Variants in AUTS2 observed in about 807,000 individuals in gnomAD.
AUTS2 encodes activator of transcription and developmental regulator AUTS2.
In AUTS2, 17 loss-of-function variants were observed where a neutral mutation model predicts 112.4. That is an observed-to-expected ratio of 0.15 (90% CI 0.10 to 0.23). The LOEUF (loss-of-function observed/expected upper bound fraction) is 0.23, where lower values mean the gene tolerates loss of function less well. Among genes scored for constraint, AUTS2 ranks in the 10% least tolerant of loss-of-function variants. The pLI is 1.00. For missense variants in AUTS2, 1,510 were observed against 1,701.6 expected (o/e 0.89, Z 1.98); for synonymous variants, 751 against 702.7 (o/e 1.07, Z -1.09).
chr7:70,696,358 T>C (rs899691500), intron 5 of AUTS2, among the ~76,000 whole-genome samples: 1 of 152,124 alleles, frequency 6.6e-6, no homozygotes, highest in Non-Finnish European at 1.5e-5. Context: ...ATCTTTTGGG[T>C]GTTTTTCTGG....
At chr7:70,604,570 C>A (rs1420805906) in intron 5 of AUTS2, among the ~76,000 whole-genome samples, 1 of 152,240 alleles carries the variant, frequency 6.6e-6, no homozygotes, top group Non-Finnish European at 1.5e-5. Flanking sequence ...TGCCCCTAGG[C>A]CCTACTTTAA....
intron 4 of AUTS2, among the ~76,000 whole-genome samples, chr7:70,228,508 TG>T (rs1170505586): frequency 6.6e-6 from 1 of 151,966 alleles, no homozygotes; most frequent in Non-Finnish European, 1.5e-5. Context: ...CTGCTTCTTT[TG>T]TAACTAAATA....
rs2129546812 is a variant in AUTS2 at position 70,694,339 on chromosome 7, C to T, written c.691-4230C>T. 6.7e-6 allele frequency: 1 copy of T among 149,784 alleles called. No individual in the cohort carries two copies. Among genetic ancestry groups the T allele is most frequent in the South Asian group, 2.1e-4 (1 of 4,806 alleles). 9.3% of individuals were successfully genotyped at this position (149,784 alleles called of 1,614,324 possible). A position where few individuals can be genotyped will look rare whatever the true frequency, so the allele number is the denominator to read the frequency against. ...CGCCGTTGCAGCGCCTCCTGGGCCG[C>T]GCGCCGGCGAGATCCGCACAAAATC... is the stretch of plus-strand genomic sequence containing the variant. On this transcript the variant is annotated intron_variant, in intron 5 of 18. Transcript: ENST00000342771. This position sits in a 1 kb window ranked among gnomAD's most constrained non-coding sequence, Gnocchi z 4.1.
chr7:70,142,699 G>A (rs1806929321), intron 4 of AUTS2, among the ~76,000 whole-genome samples: 1 of 152,160 alleles, frequency 6.6e-6, no homozygotes. Context: ...TAGAGATGAA[G>A]CGGTAAAGGC....
chr7:70,507,465 C>T (rs1055497906), intron 5 of AUTS2, among the ~76,000 whole-genome samples: 2 of 152,042 alleles, frequency 1.3e-5, no homozygotes, highest in African/African-American at 4.8e-5. Flanking sequence ...AACATGACAA[C>T]AGCTGGCTTT....
intron 2 of AUTS2, among the ~76,000 whole-genome samples, chr7:70,004,314 TTA>T (rs748074709): frequency 1.9e-4 from 25 of 134,930 alleles, no homozygotes; most frequent in East Asian, 6.1e-4. Flanking sequence ...TGACTATATA[TTA>T]TATATATAAT....
intron 4 of AUTS2, among the ~76,000 whole-genome samples, chr7:70,391,583 G>GTT (rs1793860520): frequency 1.3e-5 from 2 of 152,222 alleles, no homozygotes; most frequent in South Asian, 4.2e-4. Flanking sequence ...CTGTAAAACT[G>GTT]TTATCAACCC....
At chr7:70,690,266 G>T (rs1482958485) in intron 5 of AUTS2, among the ~76,000 whole-genome samples, 11 of 152,222 alleles carry the variant, frequency 7.2e-5, no homozygotes, top group Admixed American at 7.2e-4. Flanking sequence ...AGAGCTTGCA[G>T]AACCTTTAGA....
intron 1 of AUTS2, among the ~76,000 whole-genome samples, chr7:69,698,118 G>C (rs1428232378): frequency 1.3e-5 from 2 of 152,102 alleles, no homozygotes; most frequent in South Asian, 4.1e-4. Context: ...ACTCTCTAGG[G>C]CAAGTTTTTC....
intron 5 of AUTS2, among the ~76,000 whole-genome samples, chr7:70,617,125 G>A (rs1296909691): frequency 2.6e-5 from 4 of 152,166 alleles, no homozygotes; most frequent in African/African-American, 9.7e-5. Flanking sequence ...AGTGGGGTAA[G>A]GGCCATTGTC....
intron 5 of AUTS2, among the ~76,000 whole-genome samples, chr7:70,634,276 C>T (rs1378853680): frequency 6.6e-6 from 1 of 152,194 alleles, no homozygotes; most frequent in Non-Finnish European, 1.5e-5. Flanking sequence ...TGAGCCAAGA[C>T]TTAAAGGGAA....
At chr7:69,923,550 G>T (rs1301550598) in intron 2 of AUTS2, among the ~76,000 whole-genome samples, 2 of 152,154 alleles carry the variant, frequency 1.3e-5, no homozygotes, top group African/African-American at 2.4e-5. Flanking sequence ...AATTTGGGGA[G>T]AATTGACAGT....
intron 2 of AUTS2, among the ~76,000 whole-genome samples, chr7:70,017,217 C>T (rs554730816): frequency 1.3e-5 from 2 of 152,280 alleles, no homozygotes; most frequent in East Asian, 1.9e-4. Context: ...GTGTTAACTT[C>T]GCCAAAGTGA....
intron 4 of AUTS2, among the ~76,000 whole-genome samples, chr7:70,267,788 A>G (rs1395543514): frequency 1.3e-5 from 2 of 152,312 alleles, no homozygotes; most frequent in African/African-American, 2.4e-5. Context: ...AGATTTGGCC[A>G]TGTAATTTTC....
chr7:69,696,537 C>G (rs1325286565), intron 1 of AUTS2, among the ~76,000 whole-genome samples: 1 of 152,198 alleles, frequency 6.6e-6, no homozygotes, highest in African/African-American at 2.4e-5. Flanking sequence ...TACTCTTACC[C>G]TCTTATCTCG....
intron 6 of AUTS2, among the ~76,000 whole-genome samples, chr7:70,755,644 T>A (rs1221643390): frequency 6.6e-6 from 1 of 152,006 alleles, no homozygotes; most frequent in Non-Finnish European, 1.5e-5. Context: ...CACTCCACCC[T>A]GGGCGACAGA....
chr7:70,782,703 G>C (rs1187372205), intron 15 of AUTS2: 2 of 152,186 alleles, frequency 1.3e-5, no homozygotes, highest in African/African-American at 4.8e-5. Flanking sequence ...GACGTAAGCA[G>C]TCAAGGGGCT....
chr7:70,549,697 A>T (rs1262027426), intron 5 of AUTS2, among the ~76,000 whole-genome samples: 1 of 152,198 alleles, frequency 6.6e-6, no homozygotes, highest in Admixed American at 6.5e-5. Context: ...ATCTCTTAAA[A>T]AATTTTTTAA....
intron 4 of AUTS2, among the ~76,000 whole-genome samples, chr7:70,250,084 A>G (rs1205534220): frequency 6.6e-6 from 1 of 152,034 alleles, no homozygotes; most frequent in Non-Finnish European, 1.5e-5. Context: ...AGGAGCTCAG[A>G]CAGAACCCCA....
Sources: allele counts gnomAD v4.1 joint callset (sites outside exome capture counted in the v4.1 genomes callset), GRCh38; gene constraint gnomAD v4.1.1; non-coding constraint Gnocchi (gnomAD v3.1); transcripts MANE v1.5; gene names NCBI Gene and HGNC (gene_info 2026-07-23, HGNC 2026-07-21).